The following SLC2A11 variants were observed in gnomAD, a reference collection of about 807,000 sequenced individuals.
SLC2A11 encodes the protein solute carrier family 2 member 11.
A neutral mutation model predicts 52.1 loss-of-function variants in SLC2A11; 43 were observed. The observed-to-expected ratio is 0.82, with a 90% CI of 0.65 to 1.06. SLC2A11 has a LOEUF of 1.06. Ranked by LOEUF, SLC2A11 falls within the 50% of genes least tolerant of loss-of-function variation. The pLI is 0.00. For missense variants in SLC2A11, 582 were observed against 654.2 expected, an observed-to-expected ratio of 0.89 and a Z score of 1.20; for synonymous variants, 261 against 277.6, an observed-to-expected ratio of 0.94 and a Z score of 0.59.
chr22:23,882,491 G>T lies in SLC2A11; in HGVS notation c.727G>T (p.Ala243Ser). The T allele has an allele frequency of 1.3e-6, 2 of 1,565,872 alleles. No individual in the cohort carries two copies. Among genetic ancestry groups the T allele is most frequent in the South Asian group, 1.2e-5 (1 of 85,882 alleles). ...GCGGCTCCGGGGCTCCGGGGACTTGGCAGGGGAGCTGGAGGAGCTGGAGGA... is the reference window on the plus strand; with the variant it reads ...GCGGCTCCGGGGCTCCGGGGACTTGTCAGGGGAGCTGGAGGAGCTGGAGGA... ...LRRLRGSGDLAGELEELEEER... is the reference protein window; with the variant it reads ...LRRLRGSGDLSGELEELEEER... The change falls in exon 7 of 12, where the codon GCA (alanine) becomes TCA (serine). Residue 243 changes from alanine to serine, a missense_variant. Coordinates refer to ENST00000316185, the MANE Select transcript of SLC2A11 (RefSeq NM_001024939.4).
At chr22:23,882,711 C>T (rs2032864648) in intron 7 of SLC2A11, 48 bp from the exon 8 acceptor site, 1 of 1,605,604 alleles carries the variant, frequency 6.2e-7, no homozygotes, top group African/African-American at 1.3e-5. Context: ...CCGCTGGGAG[C>T]CATGGGAGGT....
chr22:23,857,706 G>C (rs1329823343), upstream of SLC2A11: 4 of 713,458 alleles, frequency 5.6e-6, no homozygotes, highest in South Asian at 1.9e-4. Flanking sequence ...TAGCGGCTCT[G>C]CGCTTCACTG....
chr22:23,871,129 G>C (rs2032439358), intron 3 of SLC2A11: 1 of 152,032 alleles, frequency 6.6e-6, no homozygotes, highest in Non-Finnish European at 1.5e-5. Flanking sequence ...GGACAGGCCG[G>C]GTGCAGTGGC....
chr22:23,876,663 T>G (rs557800620), intron 4 of SLC2A11, among the ~76,000 whole-genome samples: 12 of 152,088 alleles, frequency 7.9e-5, no homozygotes, highest in Non-Finnish European at 1.3e-4. Context: ...CTGGGACAGC[T>G]GGTAGGCATC....
At chr22:23,883,670 C>T in intron 8 of SLC2A11, 102 bp from the exon 9 acceptor site, 1 of 941,816 alleles carries the variant, frequency 1.1e-6, no homozygotes, top group Non-Finnish European at 1.5e-6. Flanking sequence ...AAACTACCCT[C>T]ACCTCCACCA....
In SLC2A11 at chr22:23,874,790, C is replaced by T. The variant is rs73398602; in HGVS notation, c.291-327C>T. Among the ~76,000 whole-genome samples, 1,102 of 151,920 alleles carry T rather than the reference C, an allele frequency of 7.3e-3. 17 individuals are homozygous for T. The highest frequency in any genetic ancestry group is 0.024 in the African/African-American group (1,003 of 41,326). The stretch of plus-strand genomic sequence containing the variant: ...ATTTTTTGTAGAGATAGGGTTTCAT[C>T]ATGTTGACCTGCCTGGTCTCCTGGG... On this transcript the variant is annotated intron_variant, in intron 3 of 11. Transcript: ENST00000316185.
chr22:23,866,652 C>T (rs1184602148), intron 2 of SLC2A11: 1 of 152,816 alleles, frequency 6.5e-6, no homozygotes, highest in Non-Finnish European at 1.5e-5. Context: ...CATGGTTGCT[C>T]ATGTCTGTAA....
intron 1 of SLC2A11, among the ~76,000 whole-genome samples, chr22:23,861,309 A>G (rs1469422862): frequency 7.1e-5 from 6 of 84,878 alleles, no homozygotes; most frequent in South Asian, 3.3e-4. Context: ...AAAAAAAAAA[A>G]AAAAAAGAAA....
chr22:23,870,174 G>C, intron 3 of SLC2A11: 1 of 617,844 alleles, frequency 1.6e-6, no homozygotes, highest in Non-Finnish European at 2.9e-6. Flanking sequence ...AAACAAAAGT[G>C]GGGCTCTTCC....
intron 4 of SLC2A11, among the ~76,000 whole-genome samples, chr22:23,876,737 T>C (rs535367144): frequency 6.0e-5 from 9 of 151,154 alleles, no homozygotes; most frequent in Admixed American, 3.3e-4. Flanking sequence ...TCCTTCACAC[T>C]CGGGTCCCAG....
intron 6 of SLC2A11, among the ~76,000 whole-genome samples, chr22:23,878,865 A>T (rs1460364814): frequency 1.3e-5 from 2 of 152,232 alleles, no homozygotes; most frequent in East Asian, 3.8e-4. Flanking sequence ...CTTGATCCAG[A>T]AACCTAGGAT....
At chr22:23,883,558 G>A in intron 8 of SLC2A11, 2 of 502,462 alleles carry the variant, frequency 4.0e-6, no homozygotes, top group East Asian at 3.4e-5. Context: ...TACGGTTTGC[G>A]GGTCACTTCC....
chr22:23,859,510 T>C (rs2031977272), intron 1 of SLC2A11, among the ~76,000 whole-genome samples: 1 of 151,236 alleles, frequency 6.6e-6, no homozygotes. Flanking sequence ...TTTTTTGAGA[T>C]GGAGTCTCAC....
chr22:23,866,179 A>AG (rs2032256377), intron 2 of SLC2A11: 1 of 141,080 alleles, frequency 7.1e-6, no homozygotes, highest in East Asian at 2.1e-4. Flanking sequence ...TAAAAAAAAA[A>AG]AAAGAAAGAA....
At chr22:23,857,578 C>CCA, upstream of SLC2A11, 1 of 922,910 alleles carries the variant, frequency 1.1e-6, no homozygotes, top group Non-Finnish European at 1.5e-6. Context: ...TGACCCCAAA[C>CCA]CCCCCCCCCG....
intron 8 of SLC2A11, chr22:23,883,454 CCAGTGAGACCCTGTCTCAGCT>C (rs1156741087): frequency 1.3e-4 from 51 of 398,560 alleles, no homozygotes; most frequent in East Asian, 4.3e-4. Flanking sequence ...GTGGGCTGGA[CCAGTGAGACCCTGTCTCAGCT>C]CAGTGAGACC....
chr22:23,868,263 CTG>C, intron 2 of SLC2A11: 1 of 577,098 alleles, frequency 1.7e-6, no homozygotes. Context: ...GTGCTAGGCT[CTG>C]AGAGATATTG....
At chr22:23,857,550 C>CGACAAACCCCGCGGCGGT, upstream of SLC2A11, 1 of 1,602,666 alleles carries the variant, frequency 6.2e-7, no homozygotes, top group African/African-American at 1.3e-5. Flanking sequence ...CCAGCGGCGG[C>CGACAAACCCCGCGGCGGT]GACAAACCCC....
intron 6 of SLC2A11, 52 bp downstream of exon 6, chr22:23,877,921 T>G: frequency 1.3e-6 from 2 of 1,549,716 alleles, no homozygotes; most frequent in Non-Finnish European, 1.7e-6. Context: ...GGGATGCATC[T>G]CCCCAGAGTA....
Sources: allele counts gnomAD v4.1 joint callset (sites outside exome capture counted in the v4.1 genomes callset), GRCh38; gene constraint gnomAD v4.1.1; transcripts MANE v1.5; gene names NCBI Gene and HGNC (gene_info 2026-07-23, HGNC 2026-07-21).